Variants in AMZ1 observed in about 807,000 individuals in gnomAD.
The protein encoded by AMZ1 is archaelysin family metallopeptidase 1.
A neutral mutation model predicts 29.9 loss-of-function variants in AMZ1; 39 were observed. The observed-to-expected ratio is 1.30, with a 90% confidence interval of 1.01 to 1.70. The LOEUF (loss-of-function observed/expected upper bound fraction) is 1.70. Among genes scored for constraint, AMZ1 ranks in the 40% most tolerant of loss-of-function variants. The pLI, the probability that AMZ1 is intolerant of heterozygous loss-of-function variation, is 0.00. For synonymous variants in AMZ1, 458 were observed against 304.0 expected (o/e 1.51, Z -5.27); for missense variants, 1,041 against 680.6 (o/e 1.53, Z -5.89).
intron 4 of AMZ1, among the ~76,000 whole-genome samples, chr7:2,726,142 G>A (rs944353419): frequency 8.5e-5 from 13 of 152,222 alleles, no homozygotes; most frequent in African/African-American, 3.1e-4. Flanking sequence ...ACCTTACAGA[G>A]AAATGGCACT....
At chr7:2,708,552 G>C (rs781536317) in intron 3 of AMZ1, 36 bp from the exon 4 acceptor site, 1 of 1,608,972 alleles carries the variant, frequency 6.2e-7, no homozygotes, top group East Asian at 2.2e-5. Context: ...GTCCCCGGCT[G>C]CCTCCTGACC....
downstream of AMZ1, among the ~76,000 whole-genome samples, chr7:2,723,488 A>G (rs1242182495): frequency 6.6e-6 from 1 of 152,216 alleles, no homozygotes; most frequent in Non-Finnish European, 1.5e-5. Context: ...CACAGATGGG[A>G]AACACATTGG....
chr7:2,748,308 A>G (rs1463415823), intron 4 of AMZ1, among the ~76,000 whole-genome samples: 2 of 152,226 alleles, frequency 1.3e-5, no homozygotes, highest in Non-Finnish European at 2.9e-5. Flanking sequence ...GTACCAAAAC[A>G]GACACATAGA....
rs1380559718 is a variant in AMZ1, at chr7:2,714,870, C to G, written c.*1992C>G. The G allele has an allele frequency of 1.3e-5, 2 of 152,352 alleles. No individual in the cohort carries two copies. Among genetic ancestry groups the G allele is most frequent in the East Asian group, 1.9e-4 (1 of 5,334 alleles). The allele number at this position is 152,352 out of a possible 1,614,324, so 9.4% of individuals were successfully genotyped here. A position where few individuals can be genotyped will look rare whatever the true frequency, so the allele number is the denominator to read the frequency against. On this transcript the variant is annotated 3_prime_UTR_variant, in exon 7 of 7. Coordinates refer to ENST00000683327, the MANE Select transcript of AMZ1 (RefSeq NM_001384743.1). ...GACAAACAGGGCAGCCAGAGCCAGA[C>G]AGCAGGCTCCTGGTCCCAGTCCCGG...
At chr7:2,737,289 G>GTTTTTTTTTTTTTTT (rs11389467) in intron 4 of AMZ1, among the ~76,000 whole-genome samples, 135 of 62,268 alleles carry the variant, frequency 2.2e-3, no homozygotes, top group East Asian at 5.6e-3. Flanking sequence ...TTTTTTTTTT[G>GTTTTTTTTTTTTTTT]TTTTTTTTTT....
At chr7:2,743,002 A>G (rs1790588112) in intron 4 of AMZ1, among the ~76,000 whole-genome samples, 1 of 152,228 alleles carries the variant, frequency 6.6e-6, no homozygotes, top group African/African-American at 2.4e-5. Flanking sequence ...TGTGGCAACA[A>G]CAACATTCAG....
upstream of AMZ1, among the ~76,000 whole-genome samples, chr7:2,686,912 A>C (rs1787100289): frequency 6.6e-6 from 1 of 151,532 alleles, no homozygotes. Context: ...ACGGGGTTTG[A>C]CCATACTGGC....
At chr7:2,711,202 C>T (rs1168124956) in intron 6 of AMZ1, among the ~76,000 whole-genome samples, 2 of 152,198 alleles carry the variant, frequency 1.3e-5, no homozygotes, top group East Asian at 1.9e-4. Flanking sequence ...GGTGGCCTGG[C>T]CCTCCTGGCT....
chr7:2,733,397 G>GAT, intron 4 of AMZ1: 1 of 1,226,698 alleles, frequency 8.2e-7, no homozygotes, highest in Non-Finnish European at 1.1e-6. Context: ...TTGGTCTCTG[G>GAT]ACACGTTTTC....
rs780992779 is a variant in AMZ1, at chr7:2,718,645, G to C, written c.*5767G>C. ...CTCGGTCAGGCTTTCAGCAGCAGAA[G>C]GCAGTGGACTCTTCACCATTTCTTC... is the stretch of plus-strand genomic sequence containing the variant. On this transcript the variant is annotated 3_prime_UTR_variant, in exon 7 of 7. Transcript: ENST00000683327. 6.6e-6 allele frequency among the ~76,000 whole-genome samples: 1 copy of C among 152,234 alleles called. No homozygotes were observed. The highest frequency in any genetic ancestry group is 1.5e-5 in the Non-Finnish European group (1 of 68,052).
At chr7:2,719,807 C>T (rs967625211), downstream of AMZ1, among the ~76,000 whole-genome samples, 1 of 151,780 alleles carries the variant, frequency 6.6e-6, no homozygotes, top group Non-Finnish European at 1.5e-5. Context: ...CAGCCTCCCA[C>T]GTAGATGGGA....
chr7:2,682,348 C>G (rs576984808), intron 1 of AMZ1, among the ~76,000 whole-genome samples: 2 of 152,316 alleles, frequency 1.3e-5, no homozygotes, highest in African/African-American at 4.8e-5. Flanking sequence ...TGAGATGACA[C>G]CGGGTGGGCC....
intron 4 of AMZ1, among the ~76,000 whole-genome samples, chr7:2,748,746 T>G (rs1227401963): frequency 6.6e-6 from 1 of 152,122 alleles, no homozygotes; most frequent in African/African-American, 2.4e-5. Context: ...GGAGAAAATT[T>G]TTGCAACCTA....
upstream of AMZ1, among the ~76,000 whole-genome samples, chr7:2,763,971 G>C (rs1358425371): frequency 2.6e-5 from 4 of 152,186 alleles, no homozygotes; most frequent in African/African-American, 9.7e-5. Flanking sequence ...ACACTACAGG[G>C]GCATGAGAAC....
At chr7:2,708,924 C>T in intron 4 of AMZ1, 151 bp from the exon 5 acceptor site, 4 of 1,271,688 alleles carry the variant, frequency 3.1e-6, no homozygotes, top group Non-Finnish European at 3.2e-6. Context: ...GCCCCAGGGC[C>T]CAACTTCATG....
At chr7:2,743,569 G>T (rs1419679598) in intron 4 of AMZ1, among the ~76,000 whole-genome samples, 1 of 152,182 alleles carries the variant, frequency 6.6e-6, no homozygotes, top group Non-Finnish European at 1.5e-5. Context: ...ATCCAAGATG[G>T]CCGAATAGGA....
At chr7:2,693,833 G>A (rs749470229) in intron 1 of AMZ1, among the ~76,000 whole-genome samples, 3 of 152,230 alleles carry the variant, frequency 2.0e-5, no homozygotes, top group Non-Finnish European at 2.9e-5. Flanking sequence ...GAGAATGCAG[G>A]CATGGGCCAC....
chr7:2,762,386 T>C (rs774675587), upstream of AMZ1: 488 of 446,566 alleles, frequency 1.1e-3, no homozygotes, highest in Non-Finnish European at 1.7e-3. Context: ...CGGTTCCCAC[T>C]TTCCTCACTG....
In AMZ1 at chr7:2,709,179, G is replaced by T. The variant is rs1554249958; in HGVS notation, c.706G>T (p.Ala236Ser). 14 of 1,544,206 alleles carry T rather than the reference G, an allele frequency of 9.1e-6. No homozygotes were observed. The highest frequency in any genetic ancestry group is 2.0e-5 in the Admixed American group (1 of 48,946). ...AGAGGCAGCAGCAGACGGCCCCGAG[G>T]CCCCCCTGCAGGACAGGGGCTGGGC... ...LVEAAADGPE[A>S]PLQDRGWALC... The change falls in exon 5 of 7, where the codon GCC becomes TCC. Residue 236 changes from alanine to serine, a missense_variant. Transcript: ENST00000683327.
Sources: allele counts gnomAD v4.1 joint callset (sites outside exome capture counted in the v4.1 genomes callset), GRCh38; gene constraint gnomAD v4.1.1; transcripts MANE v1.5; gene names NCBI Gene and HGNC (gene_info 2026-07-23, HGNC 2026-07-21).